The following CDYL variants were observed in gnomAD, a reference collection of about 807,000 sequenced individuals.
CDYL encodes chromodomain Y-like protein.
Under a neutral mutation model 47.3 loss-of-function variants are expected in CDYL, and 8 were observed. The ratio of observed to expected loss-of-function variants is 0.17; its 90% CI spans 0.10 to 0.31. The LOEUF (loss-of-function observed/expected upper bound fraction) is 0.31. Ranked by LOEUF, CDYL falls within the 10% of genes least tolerant of loss-of-function variation. The pLI is 1.00. For synonymous variants in CDYL, 266 were observed against 265.0 expected (o/e 1.00, Z -0.04); for missense variants, 471 against 701.4 (o/e 0.67, Z 3.71).
chr6:4,827,864 A>G (rs1335014030), intron 1 of CDYL, among the ~76,000 whole-genome samples: 3 of 152,180 alleles, frequency 2.0e-5, no homozygotes, highest in African/African-American at 7.2e-5. Context: ...CATGTTGACT[A>G]GGCTGGTCTC....
chr6:4,707,055 G>T (rs988614356), intron 1 of CDYL, among the ~76,000 whole-genome samples: 1 of 152,058 alleles, frequency 6.6e-6, no homozygotes, highest in Non-Finnish European at 1.5e-5. Context: ...TACAATAAGG[G>T]CCTCAATCAG....
At chr6:4,774,075 C>T (rs1421201681), upstream of CDYL, among the ~76,000 whole-genome samples, 1 of 152,180 alleles carries the variant, frequency 6.6e-6, no homozygotes, top group African/African-American at 2.4e-5. Flanking sequence ...AGTACCATTA[C>T]GCACATGGTG....
In CDYL at chr6:4,748,471, A is replaced by C. The variant is rs145451293; in HGVS notation, c.186+13627A>C. ...TGAGAAAGAGAATTCTGAGGGAAGA[A>C]AAACAGAAACTGATAGCAAGACTTG... is the stretch of plus-strand genomic sequence containing the variant. On this transcript the variant is annotated intron_variant, in intron 3 of 8. Transcript: ENST00000328908. Among the ~76,000 whole-genome samples, 109 of 152,284 alleles carry C rather than the reference A, an allele frequency of 7.2e-4. 1 individual carries two copies. The highest frequency in any genetic ancestry group is 2.5e-3 in the African/African-American group (102 of 41,562).
intron 1 of CDYL, chr6:4,836,415 C>T (rs1339182788): frequency 6.8e-6 from 2 of 295,526 alleles, no homozygotes; most frequent in Non-Finnish European, 1.0e-5. Context: ...CTTCAGTTTA[C>T]TTTTTATTTT....
chr6:4,836,168 C>T (rs576763283), intron 1 of CDYL: 105 of 344,688 alleles, frequency 3.0e-4, no homozygotes, highest in African/African-American at 1.9e-3. Context: ...CTGTCTTCTG[C>T]GTCGCTCACG....
intron 1 of CDYL, among the ~76,000 whole-genome samples, chr6:4,818,071 C>T (rs1759723214): frequency 6.6e-6 from 1 of 152,054 alleles, no homozygotes; most frequent in Non-Finnish European, 1.5e-5. Context: ...GCCTTGGCAA[C>T]ATGGCAAAAC....
intron 2 of CDYL, among the ~76,000 whole-genome samples, chr6:4,722,012 G>A (rs1436855653): frequency 6.6e-6 from 1 of 151,990 alleles, no homozygotes; most frequent in Non-Finnish European, 1.5e-5. Context: ...ATAGGCATGT[G>A]CCTGGCTAAT....
intron 3 of CDYL, among the ~76,000 whole-genome samples, chr6:4,743,302 T>C (rs1933226): frequency 6.6e-6 from 1 of 152,230 alleles, no homozygotes; most frequent in African/African-American, 2.4e-5. Context: ...CACTGGAAGC[T>C]GTATTTTTCA....
intron 3 of CDYL, among the ~76,000 whole-genome samples, chr6:4,744,511 C>T (rs897886204): frequency 2.6e-5 from 4 of 151,594 alleles, no homozygotes; most frequent in South Asian, 4.2e-4. Context: ...AAAAAATTGC[C>T]AAATTATGAG....
chr6:4,940,849 G>T (rs909889723), intron 4 of CDYL, among the ~76,000 whole-genome samples: 6 of 152,198 alleles, frequency 3.9e-5, no homozygotes. Context: ...CCATGACCCT[G>T]ACCTGTACCC....
At chr6:4,828,199 A>T (rs970778025) in intron 1 of CDYL, among the ~76,000 whole-genome samples, 1 of 144,928 alleles carries the variant, frequency 6.9e-6, no homozygotes, top group African/African-American at 2.6e-5. Flanking sequence ...CTCAGTTTCA[A>T]CGTTAGTTTG....
chr6:4,928,504 C>T (rs1399691927), intron 2 of CDYL, among the ~76,000 whole-genome samples: 2 of 152,108 alleles, frequency 1.3e-5, no homozygotes, highest in Admixed American at 6.5e-5. Flanking sequence ...CTTAAAATGC[C>T]CTTTGACATA....
At chr6:4,782,374 A>G (rs527771790) in intron 1 of CDYL, among the ~76,000 whole-genome samples, 2 of 152,298 alleles carry the variant, frequency 1.3e-5, no homozygotes, top group East Asian at 1.9e-4. Context: ...AGTGAATTAC[A>G]GGAATGAATC....
intron 1 of CDYL, among the ~76,000 whole-genome samples, chr6:4,799,978 T>A (rs1759180019): frequency 6.6e-6 from 1 of 152,232 alleles, no homozygotes; most frequent in African/African-American, 2.4e-5. Flanking sequence ...TGTTTTACAT[T>A]AATGTATCCA....
rs77770225 is a variant in CDYL, at chr6:4,939,304, T to C, written c.1121+1567T>C. Among the ~76,000 whole-genome samples, 959 of 152,152 alleles carry C rather than the reference T, an allele frequency of 6.3e-3. 8 individuals carry two copies. Among genetic ancestry groups the C allele is most frequent in the African/African-American group, 0.022 (917 of 41,474 alleles). On this transcript the variant is annotated intron_variant, in intron 4 of 6. Coordinates refer to ENST00000397588, the MANE Select transcript of CDYL (RefSeq NM_004824.4). ...GGTAGGGGGGCTCTTTTTTCTGTTT[T>C]GTTGAGTCTGGGGTAGGCAGGGACG...
chr6:4,722,769 C>T (rs1256400442), intron 2 of CDYL, among the ~76,000 whole-genome samples: 2 of 152,086 alleles, frequency 1.3e-5, no homozygotes, highest in Non-Finnish European at 2.9e-5. Flanking sequence ...CCCAGCTACT[C>T]GGGAGGCTGA....
In CDYL at chr6:4,787,974, T is replaced by G. The variant is rs865969406; in HGVS notation, c.24+11167T>G. Among the ~76,000 whole-genome samples the G allele has an allele frequency of 7.3e-5, 11 of 151,720 alleles. No individual in the cohort carries two copies. In the South Asian group the frequency reaches 1.2e-3, roughly 17 times the overall value. On this transcript the variant is annotated intron_variant, in intron 1 of 6. Transcript: ENST00000397588. ...TTTAGTAGAGACAAGGATTCACCATTTTGGCCAGGCTGGTCTCGAACTCCT... is the reference window on the plus strand; with the variant it reads ...TTTAGTAGAGACAAGGATTCACCATGTTGGCCAGGCTGGTCTCGAACTCCT...
chr6:4,933,480 G>A (rs1758092066), intron 2 of CDYL, among the ~76,000 whole-genome samples: 2 of 151,726 alleles, frequency 1.3e-5, no homozygotes, highest in South Asian at 4.1e-4. Context: ...CTGGGTCCCA[G>A]TTGAATGGGT....
At chr6:4,951,291 A>C (rs982369863) in intron 5 of CDYL, among the ~76,000 whole-genome samples, 22 of 152,094 alleles carry the variant, frequency 1.4e-4, no homozygotes, top group South Asian at 4.1e-4. Flanking sequence ...GGGCAAGATA[A>C]ACGACAGACC....
Sources: gnomAD v4.1 joint callset for allele counts (sites outside exome capture counted in the v4.1 genomes callset) on GRCh38, gnomAD v4.1.1 for gene constraint, MANE v1.5 for transcripts, NCBI Gene and HGNC (gene_info 2026-07-23, HGNC 2026-07-21) for gene names.